BCL2: variants seen among roughly 807,000 people sequenced by gnomAD.
BCL2 encodes BCL2 apoptosis regulator, also known as apoptosis regulator Bcl-2.
In BCL2, 1 loss-of-function variant was observed where a neutral mutation model predicts 14.2. The observed-to-expected ratio is 0.07, with a 90% CI of 0.02 to 0.33. BCL2 has a LOEUF of 0.33. Ranked by LOEUF, BCL2 falls within the 10% of genes least tolerant of loss-of-function variation. BCL2 has a pLI of 0.99. For missense variants in BCL2, 247 were observed against 305.9 expected, an observed-to-expected ratio of 0.81 and a Z score of 1.44; for synonymous variants, 151 against 137.2, an observed-to-expected ratio of 1.10 and a Z score of -0.70.
intron 2 of BCL2, among the ~76,000 whole-genome samples, chr18:63,290,908 C>T (rs531746382): frequency 1.3e-5 from 2 of 152,232 alleles, no homozygotes; most frequent in East Asian, 3.9e-4. Context: ...GCCCTCTTTC[C>T]CAGGTCATTA....
At chr18:63,236,770 A>G (rs1910844848) in intron 2 of BCL2, among the ~76,000 whole-genome samples, 1 of 152,182 alleles carries the variant, frequency 6.6e-6, no homozygotes, top group Admixed American at 6.5e-5. Flanking sequence ...TCGCCTTTCC[A>G]GCACCCTATC....
chr18:63,298,442 T>G lies in BCL2; in HGVS notation c.585+19640A>C, dbSNP rs181343508. On this transcript the variant is annotated intron_variant, in intron 2 of 2. Coordinates refer to ENST00000333681, the MANE Select transcript of BCL2 (RefSeq NM_000633.3). The stretch of plus-strand genomic sequence containing the variant: ...GGCCTCTCCTCCTTTTAGCTAGCTA[T>G]GTTGATGGCAAGCTCCAGGCAAGGT... 2.0e-5 allele frequency among the ~76,000 whole-genome samples: 3 copies of G among 152,316 alleles called. No homozygotes were observed. In the South Asian group the frequency reaches 6.2e-4, roughly 32 times the overall value.
At chr18:63,177,545 T>C (rs1362069882) in intron 2 of BCL2, among the ~76,000 whole-genome samples, 2 of 152,190 alleles carry the variant, frequency 1.3e-5, no homozygotes, top group Non-Finnish European at 2.9e-5. Flanking sequence ...ACACCACTTA[T>C]CCTCCTTGCC....
Position 63,179,281 on chromosome 18 carries a change from A to G in BCL2, c.586-50522T>C, listed in dbSNP as rs139835599. Among the ~76,000 whole-genome samples, 870 of 152,272 alleles carry G rather than the reference A, an allele frequency of 5.7e-3. 4 individuals carry two copies. The highest frequency in any genetic ancestry group is 0.014 in the South Asian group (68 of 4,822). ...GTGGAGGGAAAAGAAAAGGTGTCTG[A>G]GTTCTCTAGACATGGGCAGAAAAGG... On this transcript the variant is annotated intron_variant, in intron 2 of 2. Transcript: ENST00000333681.
intron 2 of BCL2, among the ~76,000 whole-genome samples, chr18:63,276,890 T>C (rs1001196231): frequency 3.3e-5 from 5 of 152,246 alleles, no homozygotes; most frequent in Non-Finnish European, 7.3e-5. Flanking sequence ...ATTGTATGGA[T>C]GGTTTGTAAT....
chr18:63,192,576 C>T (rs567026121), intron 2 of BCL2, among the ~76,000 whole-genome samples: 4 of 152,268 alleles, frequency 2.6e-5, no homozygotes, highest in South Asian at 2.1e-4. Flanking sequence ...CTGAGGTGCA[C>T]GTCTATCCCT....
At chr18:63,280,029 A>C (rs1912264273) in intron 2 of BCL2, among the ~76,000 whole-genome samples, 1 of 152,224 alleles carries the variant, frequency 6.6e-6, no homozygotes, top group Non-Finnish European at 1.5e-5. Context: ...TACCTGCATG[A>C]TGGCTACAAA....
chr18:63,188,416 A>G (rs896392742), intron 2 of BCL2, among the ~76,000 whole-genome samples: 2 of 152,216 alleles, frequency 1.3e-5, no homozygotes, highest in African/African-American at 4.8e-5. Context: ...AGCACATCAT[A>G]GGGGTTCAAT....
rs1416485838 is a variant in BCL2, at chr18:63,281,708, GAA to G, written c.585+36372_585+36373del. ...AGAAAGAAAGAAAGAAAGAAAGAAA[GAA>G]AGAAAGAAAGAAAGAAAGAAAGAAA... On this transcript the variant is annotated intron_variant, in intron 2 of 2. Coordinates refer to ENST00000333681, the MANE Select transcript of BCL2 (RefSeq NM_000633.3). 4.4e-4 allele frequency among the ~76,000 whole-genome samples: 62 copies of G among 142,136 alleles called. 1 individual carries two copies. Among genetic ancestry groups the G allele is most frequent in the African/African-American group, 1.5e-3 (58 of 38,604 alleles). The allele number at this position is 142,136 out of a possible 152,430, so 93.2% of individuals were successfully genotyped here. A position where few individuals can be genotyped will look rare whatever the true frequency, so the allele number is the denominator to read the frequency against.
intron 2 of BCL2, among the ~76,000 whole-genome samples, chr18:63,261,154 G>A (rs1204933328): frequency 1.3e-5 from 2 of 152,234 alleles, no homozygotes; most frequent in East Asian, 3.9e-4. Context: ...AGTTTGCAAG[G>A]AAAGGTTAAG....
chr18:63,298,728 T>C (rs1377210025), intron 2 of BCL2, among the ~76,000 whole-genome samples: 2 of 152,226 alleles, frequency 1.3e-5, no homozygotes, highest in Non-Finnish European at 2.9e-5. Flanking sequence ...ACTAGTTTCT[T>C]ATGCCAGGGA....
chr18:63,174,400 C>T (rs958721036), intron 2 of BCL2, among the ~76,000 whole-genome samples: 1 of 152,022 alleles, frequency 6.6e-6, no homozygotes, highest in Non-Finnish European at 1.5e-5. Context: ...TTCTCTGCTC[C>T]TCTTTTTCTG....
At chr18:63,255,830 C>A (rs1377220824) in intron 2 of BCL2, among the ~76,000 whole-genome samples, 3 of 151,782 alleles carry the variant, frequency 2.0e-5, no homozygotes, top group African/African-American at 4.8e-5. Context: ...GCAGCCCTCC[C>A]CCCCCGCCAC....
Position 63,302,724 on chromosome 18 carries a change from T to A in BCL2, c.585+15358A>T, listed in dbSNP as rs573888693. On this transcript the variant is annotated intron_variant, in intron 2 of 2. Transcript: ENST00000333681. The stretch of plus-strand genomic sequence containing the variant: ...TGAGAAAGTAGGGGGGAAAAAGAGG[T>A]TTAGTAAGGATGCAGTAAGAGTTTC... 4.1e-6 allele frequency: 4 copies of A among 984,952 alleles called. No homozygotes were observed. In the South Asian group the frequency reaches 1.4e-4, roughly 35 times the overall value. The allele number at this position is 984,952 out of a possible 1,614,324, so 61.0% of individuals were successfully genotyped here.
chr18:63,310,464 T>C (rs1267710931), intron 2 of BCL2, among the ~76,000 whole-genome samples: 1 of 152,180 alleles, frequency 6.6e-6, no homozygotes, highest in Admixed American at 6.5e-5. Context: ...GGCATGAAAC[T>C]CTTCAGATAC....
chr18:63,209,068 C>T (rs1020866132), intron 2 of BCL2, among the ~76,000 whole-genome samples: 2 of 152,302 alleles, frequency 1.3e-5, no homozygotes, highest in Non-Finnish European at 2.9e-5. Flanking sequence ...CCCCAGTGCA[C>T]AGTCACCCTG....
At chr18:63,255,148 G>A (rs1162362175) in intron 2 of BCL2, among the ~76,000 whole-genome samples, 2 of 152,170 alleles carry the variant, frequency 1.3e-5, no homozygotes, top group Non-Finnish European at 2.9e-5. Context: ...CATGGCTGAG[G>A]TCCAAAAGAG....
At chr18:63,188,765 C>T (rs1915651385) in intron 2 of BCL2, among the ~76,000 whole-genome samples, 1 of 151,754 alleles carries the variant, frequency 6.6e-6, no homozygotes, top group South Asian at 2.1e-4. Context: ...ATTATATATC[C>T]TTCCAGAAAA....
At chr18:63,305,387 TC>T (rs1242826565) in intron 2 of BCL2, among the ~76,000 whole-genome samples, 2 of 152,200 alleles carry the variant, frequency 1.3e-5, no homozygotes, top group African/African-American at 2.4e-5. Context: ...TATCAGCTCT[TC>T]CTGTGCTTAT....
Sources: gnomAD v4.1 joint callset for allele counts (sites outside exome capture counted in the v4.1 genomes callset) on GRCh38, gnomAD v4.1.1 for gene constraint, MANE v1.5 for transcripts, NCBI Gene and HGNC (gene_info 2026-07-23, HGNC 2026-07-21) for gene names.